The following OCIAD2 variants were observed in gnomAD, a reference collection of about 807,000 sequenced individuals.
OCIAD2 encodes OCIA domain containing 2, also known as OCIA domain-containing protein 2.
In OCIAD2, 29 loss-of-function variants were observed where a neutral mutation model predicts 22.9. The ratio of observed to expected loss-of-function variants is 1.27; its 90% CI spans 0.94 to 1.73. The LOEUF (loss-of-function observed/expected upper bound fraction) is 1.73, where lower values mean the gene tolerates loss of function less well. OCIAD2 is among the 40% of genes most tolerant of loss of function. OCIAD2 has a pLI of 0.00. For missense variants in OCIAD2, 189 were observed against 180.3 expected, an observed-to-expected ratio of 1.05 and a Z score of -0.28; for synonymous variants, 67 against 60.2, an observed-to-expected ratio of 1.11 and a Z score of -0.52.
chr4:48,900,382 G>A (rs956297843), intron 2 of OCIAD2, among the ~76,000 whole-genome samples: 5 of 152,090 alleles, frequency 3.3e-5, no homozygotes, highest in Non-Finnish European at 5.9e-5. Flanking sequence ...CACACTCAGA[G>A]AACCTATGTA....
intron 6 of OCIAD2, among the ~76,000 whole-genome samples, chr4:48,888,824 T>C (rs1387487866): frequency 6.6e-6 from 1 of 152,208 alleles, no homozygotes; most frequent in East Asian, 1.9e-4. Context: ...TGTGCCAGGC[T>C]TTGGTATCAA....
intron 4 of OCIAD2, 125 bp downstream of exon 4, chr4:48,897,679 G>A (rs1443376576): frequency 1.0e-5 from 8 of 765,862 alleles, no homozygotes; most frequent in South Asian, 3.0e-5. Flanking sequence ...GCTGAAAATA[G>A]GCAGAAGTCT....
chr4:48,903,949 A>G (rs1025210247), intron 2 of OCIAD2, among the ~76,000 whole-genome samples: 5 of 151,794 alleles, frequency 3.3e-5, no homozygotes, highest in Admixed American at 2.6e-4. Context: ...CCAGCCAAGA[A>G]AGAGTTTTGT....
At chr4:48,890,170 G>T (rs1285861846) in intron 6 of OCIAD2, among the ~76,000 whole-genome samples, 4 of 151,648 alleles carry the variant, frequency 2.6e-5, no homozygotes, top group Non-Finnish European at 5.9e-5. Flanking sequence ...ATGAGTTAAT[G>T]GGTGCAGCAC....
In OCIAD2 at chr4:48,899,959, G is replaced by A. The variant is rs200518995; in HGVS notation, c.67-34C>T. 5.3e-6 allele frequency: 8 copies of A among 1,514,858 alleles called. No homozygotes were observed. The African/African-American group carries it at 5.5e-5, about 10-fold the overall frequency. 93.8% of individuals were successfully genotyped at this position (1,514,858 alleles called of 1,614,324 possible). A position where few individuals can be genotyped will look rare whatever the true frequency, so the allele number is the denominator to read the frequency against. On this transcript the variant is annotated intron_variant, in intron 2 of 6. Coordinates refer to ENST00000508632, the MANE Select transcript of OCIAD2 (RefSeq NM_001014446.3). ...AAAGTTATATGGTGAGCTAACTGAG[G>A]TCATTGAAAAATCACCCACTTTGTT...
chr4:48,904,775 T>A (rs1200641501), intron 1 of OCIAD2, 164 bp from the exon 2 acceptor site: 11 of 597,642 alleles, frequency 1.8e-5, no homozygotes, highest in Non-Finnish European at 3.3e-5. Flanking sequence ...CCAGCACACA[T>A]ACATGCACTC....
intron 6 of OCIAD2, among the ~76,000 whole-genome samples, chr4:48,886,143 T>C (rs1426040596): frequency 1.3e-5 from 2 of 152,232 alleles, no homozygotes; most frequent in African/African-American, 2.4e-5. Context: ...TTTCTACATA[T>C]GGCTAGCCAG....
intron 4 of OCIAD2, among the ~76,000 whole-genome samples, chr4:48,895,551 C>G (rs560291769): frequency 9.2e-5 from 14 of 152,280 alleles, no homozygotes; most frequent in Middle Eastern, 3.4e-3. Flanking sequence ...AAGGAACTCA[C>G]TCCCATGATA....
rs200382957 is a variant in OCIAD2 at position 48,894,009 on chromosome 4, C to T, written c.262G>A (p.Ala88Thr). 1.9e-5 allele frequency: 29 copies of T among 1,515,362 alleles called. No individual in the cohort carries two copies. Among genetic ancestry groups the T allele is most frequent in the Non-Finnish European group, 2.3e-5 (26 of 1,126,012 alleles). The allele number at this position is 1,515,362 out of a possible 1,614,324, so 93.9% of individuals were successfully genotyped here. ...NSRFGSLPKVALAGLLGFGLG... is the reference protein window; with the variant it reads ...NSRFGSLPKVTLAGLLGFGLG... ...CTTTTTTATTTCTATGACTTACGTG[C>T]AACTTTGGGCAATGATCCAAATCTA... Residue 88 changes from alanine (A) to threonine (T), a missense_variant, in exon 5 of 7, where the codon GCA becomes ACA. Coordinates refer to ENST00000508632, the MANE Select transcript of OCIAD2 (RefSeq NM_001014446.3).
Position 48,894,058 on chromosome 4 carries a change from G to A in OCIAD2, c.218-5C>T. On this transcript the variant is annotated splice_region_variant and splice_polypyrimidine_tract_variant and intron_variant, in intron 4 of 6. Coordinates refer to ENST00000508632, the MANE Select transcript of OCIAD2 (RefSeq NM_001014446.3). ...TAGAATTAGCTGCCAAATAACCTAAGGAGTAATAAAGAAAAACATTATTAT... is the reference window on the plus strand; with the variant it reads ...TAGAATTAGCTGCCAAATAACCTAAAGAGTAATAAAGAAAAACATTATTAT... The A allele has an allele frequency of 7.1e-7, 1 of 1,405,326 alleles. No homozygotes were observed. Among genetic ancestry groups the A allele is most frequent in the East Asian group, 2.5e-5 (1 of 40,096 alleles). The allele number at this position is 1,405,326 out of a possible 1,614,324, so 87.1% of individuals were successfully genotyped here.
At chr4:48,892,162 C>G (rs1332705084) in intron 6 of OCIAD2, among the ~76,000 whole-genome samples, 1 of 152,192 alleles carries the variant, frequency 6.6e-6, no homozygotes, top group Non-Finnish European at 1.5e-5. Flanking sequence ...GTAGAAATAG[C>G]TAATGTTTAC....
At chr4:48,900,100 ATGGACT>A (rs1781383860) in intron 2 of OCIAD2, among the ~76,000 whole-genome samples, 175 bp from the exon 3 acceptor site, 1 of 152,232 alleles carries the variant, frequency 6.6e-6, no homozygotes, top group South Asian at 2.1e-4. Flanking sequence ...GGGAACACTG[ATGGACT>A]TAGGCAACAG....
chr4:48,899,061 A>G (rs1351797061), intron 3 of OCIAD2, among the ~76,000 whole-genome samples: 1 of 152,210 alleles, frequency 6.6e-6, no homozygotes, highest in Non-Finnish European at 1.5e-5. Flanking sequence ...TGTATAAAGA[A>G]TATCAACTTC....
intron 1 of OCIAD2, among the ~76,000 whole-genome samples, chr4:48,904,922 G>A (rs1053859075): frequency 6.6e-6 from 1 of 152,166 alleles, no homozygotes; most frequent in African/African-American, 2.4e-5. Flanking sequence ...CAGTCCAAAA[G>A]GGGAGATAGA....
At chr4:48,891,104 C>T (rs1781168667) in intron 6 of OCIAD2, among the ~76,000 whole-genome samples, 1 of 152,084 alleles carries the variant, frequency 6.6e-6, no homozygotes, top group East Asian at 1.9e-4. Flanking sequence ...ATTCCTGGCC[C>T]AGAATCCCCT....
At chr4:48,888,367 C>A (rs918801319) in intron 6 of OCIAD2, among the ~76,000 whole-genome samples, 2 of 152,156 alleles carry the variant, frequency 1.3e-5, no homozygotes, top group African/African-American at 4.8e-5. Flanking sequence ...GAACTTCCAA[C>A]ACTATGTTGA....
chr4:48,885,458 A>C lies in OCIAD2; in HGVS notation c.*26T>G. ...TGTGTACAAATTCAGAGGTTTAAAA[A>C]ACTTCGAAAGTCACAGACACAGAAT... On this transcript the variant is annotated 3_prime_UTR_variant, in exon 7 of 7. Coordinates refer to ENST00000508632, the MANE Select transcript of OCIAD2 (RefSeq NM_001014446.3). The C allele has an allele frequency of 7.3e-7, 1 of 1,366,384 alleles. No individual in the cohort carries two copies. The highest frequency in any genetic ancestry group is 1.0e-6 in the Non-Finnish European group (1 of 959,860). The allele number at this position is 1,366,384 out of a possible 1,614,324, so 84.6% of individuals were successfully genotyped here. A position where few individuals can be genotyped will look rare whatever the true frequency, so the allele number is the denominator to read the frequency against.
At chr4:48,902,630 C>G (rs1227814303) in intron 2 of OCIAD2, among the ~76,000 whole-genome samples, 2 of 152,180 alleles carry the variant, frequency 1.3e-5, no homozygotes, top group Admixed American at 1.3e-4. Flanking sequence ...TAAGGACTGC[C>G]TCCCCTTAAT....
At chr4:48,891,287 C>A (rs531419840) in intron 6 of OCIAD2, among the ~76,000 whole-genome samples, 1 of 152,268 alleles carries the variant, frequency 6.6e-6, no homozygotes, top group East Asian at 1.9e-4. Context: ...TCCACCTCAA[C>A]TGAGTTAAGT....
Sources: allele counts gnomAD v4.1 joint callset (sites outside exome capture counted in the v4.1 genomes callset), GRCh38; gene constraint gnomAD v4.1.1; transcripts MANE v1.5; gene names NCBI Gene and HGNC (gene_info 2026-07-23, HGNC 2026-07-21).